Variants in TET3 observed in about 807,000 individuals in gnomAD.
The protein encoded by TET3 is tet methylcytosine dioxygenase 3.
In TET3, 19 loss-of-function variants were observed where a neutral mutation model predicts 141.4. The ratio of observed to expected loss-of-function variants is 0.13; its 90% CI spans 0.09 to 0.20. The LOEUF (loss-of-function observed/expected upper bound fraction) is 0.20. TET3 is among the 10% of genes least tolerant of loss of function. The probability of loss-of-function intolerance (pLI) is 1.00; values close to 1 mark genes in which losing one functional copy is unlikely to be tolerated. For synonymous variants in TET3, 1,043 were observed against 980.9 expected, an observed-to-expected ratio of 1.06 and a Z score of -1.18; for missense variants, 1,874 against 2,356.9, an observed-to-expected ratio of 0.80 and a Z score of 4.24.
intron 4 of TET3, among the ~76,000 whole-genome samples, chr2:74,061,869 C>G (rs1023726496): frequency 1.3e-5 from 2 of 148,626 alleles, no homozygotes; most frequent in Admixed American, 6.7e-5. Context: ...GGATGGCGGC[C>G]GGGAAGAGGC....
chr2:74,086,916 T>C (rs376991866), intron 6 of TET3, among the ~76,000 whole-genome samples: 9 of 152,244 alleles, frequency 5.9e-5, no homozygotes, highest in African/African-American at 2.2e-4. Context: ...CCTAGTCTAT[T>C]TCCAGAACTT....
the TET3 span, among the ~76,000 whole-genome samples, chr2:74,132,038 G>C: frequency 0.02 from 3,086 of 152,236 alleles, 116 homozygotes; most frequent in African/African-American, 0.07. Flanking sequence ...CTGTCTTCTG[G>C]TGTCCGGAGG....
intron 3 of TET3, among the ~76,000 whole-genome samples, chr2:74,009,177 C>T (rs1036621780): frequency 2.6e-5 from 4 of 152,174 alleles, no homozygotes; most frequent in African/African-American, 7.2e-5. Flanking sequence ...CAGAAGGAGC[C>T]GTTTCCTGCC....
At chr2:74,076,606 AC>A (rs916148143) in intron 5 of TET3, among the ~76,000 whole-genome samples, 2 of 149,100 alleles carry the variant, frequency 1.3e-5, no homozygotes, top group African/African-American at 4.9e-5. Context: ...GTACCAGCAT[AC>A]CTTTTTTTTT....
Position 74,106,262 on chromosome 2 carries a change from GGCTTGGCA to G in TET3, c.*4088_*4095del, listed in dbSNP as rs1330969438. On this transcript the variant is annotated 3_prime_UTR_variant, in exon 12 of 12. Coordinates refer to ENST00000409262, the MANE Select transcript of TET3 (RefSeq NM_001287491.2). The stretch of plus-strand genomic sequence containing the variant: ...TCTGTGATCGGGAGTGGGCCTGCCT[GGCTTGGCA>G]GGTGCTTTTTGGTTCCACACCTGTC... 1 of 152,240 alleles carries G rather than the reference GGCTTGGCA, an allele frequency of 6.6e-6. No individual in the cohort carries two copies. Among genetic ancestry groups the G allele is most frequent in the African/African-American group, 2.4e-5 (1 of 41,444 alleles). The allele number at this position is 152,240 out of a possible 1,614,324, so 9.4% of individuals were successfully genotyped here. A position where few individuals can be genotyped will look rare whatever the true frequency, so the allele number is the denominator to read the frequency against.
At chr2:73,988,366 A>G (rs1387473014) in intron 2 of TET3, among the ~76,000 whole-genome samples, 2 of 152,084 alleles carry the variant, frequency 1.3e-5, no homozygotes, top group East Asian at 3.9e-4. Context: ...TCCTCCCATA[A>G]TTAAACGGGA....
intron 2 of TET3, among the ~76,000 whole-genome samples, chr2:74,002,467 C>T (rs1367121801): frequency 6.6e-6 from 1 of 151,382 alleles, no homozygotes; most frequent in South Asian, 2.1e-4. Flanking sequence ...GTATTACCTT[C>T]GGGGTCCCCG....
intron 7 of TET3, among the ~76,000 whole-genome samples, chr2:74,089,604 GGTT>G (rs1218745303): frequency 6.6e-6 from 1 of 152,178 alleles, no homozygotes; most frequent in Non-Finnish European, 1.5e-5. Flanking sequence ...AACGTTAATG[GGTT>G]TTTACCAGAT....
In TET3 at chr2:74,006,783, C is replaced by T. The variant is rs559595656; in HGVS notation, c.360+3617C>T. ...TCCTACCCTTGACCTCTTGGGCTTT[C>T]GGCCTCATTTCCTCTCACACCCGGG... On this transcript the variant is annotated intron_variant, in intron 3 of 11. Coordinates refer to ENST00000409262, the MANE Select transcript of TET3 (RefSeq NM_001287491.2). 1.3e-3 allele frequency among the ~76,000 whole-genome samples: 199 copies of T among 152,314 alleles called. 1 individual carries two copies. The highest frequency in any genetic ancestry group is 4.5e-3 in the African/African-American group (189 of 41,562).
intron 4 of TET3, among the ~76,000 whole-genome samples, chr2:74,048,859 G>T (rs945518578): frequency 6.6e-6 from 1 of 152,212 alleles, no homozygotes; most frequent in Non-Finnish European, 1.5e-5. Context: ...ACAAAAGGTG[G>T]CTTGGTGGGT....
At chr2:74,127,664 C>G in the TET3 span, among the ~76,000 whole-genome samples, 3 of 151,756 alleles carry the variant, frequency 2.0e-5, no homozygotes, top group Non-Finnish European at 4.4e-5. Context: ...TTTTAAAATG[C>G]CTGCCTTGAA....
intron 3 of TET3, among the ~76,000 whole-genome samples, chr2:74,038,493 C>T (rs921764857): frequency 6.6e-6 from 1 of 152,110 alleles, no homozygotes. Flanking sequence ...GGGGTTTGCA[C>T]CTGGAAGTTG....
At chr2:74,108,773 TG>T (rs1691635193), downstream of TET3, among the ~76,000 whole-genome samples, 1 of 152,208 alleles carries the variant, frequency 6.6e-6, no homozygotes, top group Admixed American at 6.5e-5. Flanking sequence ...TCCTTCCTCC[TG>T]CATGAAACAT....
chr2:74,028,629 G>T lies in TET3; in HGVS notation c.361-17649G>T, dbSNP rs138388261. Reference sequence around the variant, plus strand: ...ATGTTTATAGTAGATGAGAGAGCTAGATTGGTCTTTATAGCTTTTTTATTG... The same window carrying T: ...ATGTTTATAGTAGATGAGAGAGCTATATTGGTCTTTATAGCTTTTTTATTG... On this transcript the variant is annotated intron_variant, in intron 3 of 11. Transcript: ENST00000409262. Among the ~76,000 whole-genome samples the T allele has an allele frequency of 3.0e-3, 457 of 152,294 alleles. 2 individuals are homozygous for T. The highest frequency in any genetic ancestry group is 0.01 in the African/African-American group (423 of 41,550).
chr2:73,984,370 C>A (rs1003355581), upstream of TET3, among the ~76,000 whole-genome samples: 2 of 152,214 alleles, frequency 1.3e-5, no homozygotes, highest in African/African-American at 4.8e-5. The surrounding 1 kb of genome is among the most constrained non-coding windows in gnomAD (Gnocchi z 5.6). Context: ...CCCCTTCTTG[C>A]CGGCCAGGCT....
chr2:74,115,873 C>T, the TET3 span, among the ~76,000 whole-genome samples: 2 of 151,600 alleles, frequency 1.3e-5, no homozygotes, highest in Non-Finnish European at 1.5e-5. Context: ...AAATTAGCCT[C>T]GCATGGTGGC....
At position 74,062,792 on chromosome 2, in the gene TET3, CCAAGAAGGTTAGTAA is replaced by C. The variant is rs1688666440; in HGVS notation, c.2495-10756_2495-10742del. ...TAAGATTGAATAGCATTAAACAGCA[CCAAGAAGGTTAGTAA>C]ACCTTGTTTCACTGTGAGAAAAAAG... On this transcript the variant is annotated intron_variant, in intron 4 of 11. Coordinates refer to ENST00000409262, the MANE Select transcript of TET3 (RefSeq NM_001287491.2). 1.3e-5 allele frequency among the ~76,000 whole-genome samples: 2 copies of C among 151,674 alleles called. 1 individual carries two copies. Among genetic ancestry groups the C allele is most frequent in the South Asian group, 4.2e-4 (2 of 4,808 alleles).
chr2:74,079,702 T>C (rs1689699484), intron 5 of TET3, among the ~76,000 whole-genome samples: 1 of 152,180 alleles, frequency 6.6e-6, no homozygotes, highest in Admixed American at 6.5e-5. Context: ...TTTAGTAATT[T>C]GGCCACAGTT....
chr2:73,991,991 T>A (rs1375321881), intron 2 of TET3, among the ~76,000 whole-genome samples: 1 of 152,064 alleles, frequency 6.6e-6, no homozygotes, highest in Non-Finnish European at 1.5e-5. Flanking sequence ...GACATGGCAC[T>A]GAAGCAGAGT....
Sources: gnomAD v4.1 joint callset for allele counts (sites outside exome capture counted in the v4.1 genomes callset) on GRCh38, gnomAD v4.1.1 for gene constraint, Gnocchi (gnomAD v3.1) non-coding constraint, MANE v1.5 for transcripts, NCBI Gene and HGNC (gene_info 2026-07-23, HGNC 2026-07-21) for gene names.